Variants in USP26 observed in about 807,000 individuals in gnomAD.
USP26 encodes the protein ubiquitin specific peptidase 26.
For missense variants in USP26, 649 were observed against 642.3 expected, an observed-to-expected ratio of 1.01 and a Z score of -0.11; for synonymous variants, 236 against 240.6, an observed-to-expected ratio of 0.98 and a Z score of 0.18.
At chrX:133,079,926 T>C (rs757130590) in intron 5 of USP26, among the ~76,000 whole-genome samples, 1 of 111,957 alleles carries the variant, frequency 8.9e-6, no homozygotes, top group South Asian at 3.8e-4. Context: ...TAGATGATTT[T>C]CTAGTGACAG....
chrX:133,043,891 A>AAAAAC (rs749518643), intron 5 of USP26, among the ~76,000 whole-genome samples: 149 of 112,181 alleles, frequency 1.3e-3, no homozygotes, highest in Middle Eastern at 4.7e-3. Flanking sequence ...ACAAAAAACA[A>AAAAAC]AAAACAAAAC....
intron 5 of USP26, chrX:133,045,906 C>T (rs1316749476): frequency 3.6e-5 from 4 of 112,297 alleles, no homozygotes; most frequent in African/African-American, 1.3e-4. Context: ...ATTGTTGGGT[C>T]AAGGTCATCC....
At chrX:133,031,564 CA>C (rs1256431438) in intron 5 of USP26, among the ~76,000 whole-genome samples, 1 of 110,532 alleles carries the variant, frequency 9.0e-6, no homozygotes, top group African/African-American at 3.3e-5. Flanking sequence ...ACTTGCATAC[CA>C]GGGGCACAAT....
intron 5 of USP26, among the ~76,000 whole-genome samples, chrX:133,060,121 T>C (rs1602980921): frequency 8.9e-6 from 1 of 111,873 alleles, no homozygotes; most frequent in Non-Finnish European, 1.9e-5. Context: ...GAAATGAAGA[T>C]TTAGTGTATG....
intron 5 of USP26, among the ~76,000 whole-genome samples, chrX:133,063,141 C>T (rs918117814): frequency 3.6e-5 from 4 of 110,338 alleles, no homozygotes; most frequent in Admixed American, 2.9e-4. Flanking sequence ...GATTGATGAT[C>T]GACTTACTGA....
At position 133,025,741 on chromosome X, in the gene USP26, A is replaced by G. The variant is rs754523009; in HGVS notation, c.2480T>C (p.Ile827Thr). The change falls in exon 6 of 6, where the codon ATT becomes ACT. Residue 827 changes from isoleucine (I) to threonine (T), a missense_variant. Ile to Thr is a moderately conservative substitution (Grantham distance 89). Coordinates refer to ENST00000511190, the MANE Select transcript of USP26 (RefSeq NM_031907.3). ...DDKGDHTYRL[I>T]SVVSHLGKTL... The stretch of plus-strand genomic sequence containing the variant: ...CTTCCCAAGATGGCTGACAACACTA[A>G]TGAGCCGGTAGGTATGATCTCCCTT... The G allele has an allele frequency of 8.3e-7, 1 of 1,209,937 alleles. No individual in the cohort carries two copies. The highest frequency in any genetic ancestry group is 1.1e-6 in the Non-Finnish European group (1 of 893,975).
chrX:133,048,515 A>G (rs2067447642), intron 5 of USP26, among the ~76,000 whole-genome samples: 1 of 104,609 alleles, frequency 9.6e-6, no homozygotes, highest in Admixed American at 1.0e-4. Context: ...AGCAGGTGCT[A>G]TTTTAAAGCC....
intron 5 of USP26, among the ~76,000 whole-genome samples, chrX:133,063,688 T>C (rs943690577): frequency 3.6e-5 from 4 of 111,695 alleles, no homozygotes; most frequent in Non-Finnish European, 7.5e-5. Flanking sequence ...CTGAGGGATT[T>C]TGTCACCAAC....
chrX:133,082,356 T>C (rs1018244869), intron 5 of USP26, among the ~76,000 whole-genome samples: 4 of 111,903 alleles, frequency 3.6e-5, no homozygotes, highest in African/African-American at 1.3e-4. Context: ...ACTTCTCCCC[T>C]GTAACTCTTC....
chrX:133,080,089 G>A (rs2067564793), intron 5 of USP26, among the ~76,000 whole-genome samples: 1 of 111,511 alleles, frequency 9.0e-6, no homozygotes. Context: ...ACGAGGCTTG[G>A]TTTTGTTTAC....
chrX:133,086,786 A>C (rs1054479691), intron 4 of USP26, among the ~76,000 whole-genome samples: 2 of 108,749 alleles, frequency 1.8e-5, no homozygotes, highest in African/African-American at 6.7e-5. Flanking sequence ...TCATGGCAGG[A>C]GCCTGTAATC....
chrX:133,048,463 T>C (rs1361336232), intron 5 of USP26, among the ~76,000 whole-genome samples: 1 of 109,148 alleles, frequency 9.2e-6, no homozygotes, highest in African/African-American at 3.3e-5. Flanking sequence ...TGCCTTTGAC[T>C]GAACACATGA....
chrX:133,027,298 G>A lies in USP26; in HGVS notation c.923C>T (p.Ala308Val), dbSNP rs776610411. The change falls in exon 6 of 6, where the codon GCA (alanine) becomes GTA (valine). Residue 308 changes from alanine to valine, a missense_variant. Ala to Val is a moderately conservative substitution (Grantham distance 64, BLOSUM62 0). Transcript: ENST00000511190. The stretch of plus-strand genomic sequence containing the variant: ...GATTGAAAGTAGAGACTGTAACACT[G>A]CATTCATATAACAGGTGTTTCCCAA... ...PNLGNTCYMN[A>V]VLQSLLSIPS... The A allele has an allele frequency of 2.5e-6, 3 of 1,209,059 alleles. No homozygotes were observed.
intron 5 of USP26, among the ~76,000 whole-genome samples, chrX:133,061,101 G>T (rs1467327774): frequency 4.5e-5 from 5 of 111,461 alleles, no homozygotes; most frequent in Admixed American, 9.5e-5. Context: ...AAGAACAATT[G>T]TATTTATGGT....
chrX:133,074,122 T>C (rs909712655), intron 5 of USP26, among the ~76,000 whole-genome samples: 1 of 111,928 alleles, frequency 8.9e-6, no homozygotes, highest in African/African-American at 3.2e-5. Context: ...GTGGCCTTTA[T>C]CCCACTAAAG....
At position 133,026,003 on chromosome X, in the gene USP26, G is replaced by C; in HGVS notation, c.2218C>G (p.Gln740Glu). 1 of 1,210,079 alleles carries C rather than the reference G, an allele frequency of 8.3e-7. No homozygotes were observed. Among genetic ancestry groups the C allele is most frequent in the African/African-American group, 1.7e-5 (1 of 57,698 alleles). The stretch of plus-strand genomic sequence containing the variant: ...CAGATTCTCATACCGTCACACTGCT[G>C]AGTCTGTTCAGACACTTTTTGGAAT... The part of the protein sequence containing the change: ...ERFQKVSEQT[Q>E]QCDGMRICEQ... The change falls in exon 6 of 6, where the codon CAG becomes GAG. Residue 740 changes from glutamine (Q) to glutamate (E), a missense_variant. Gln to Glu is a conservative substitution (Grantham distance 29, BLOSUM62 2). Coordinates refer to ENST00000511190, the MANE Select transcript of USP26 (RefSeq NM_031907.3).
In USP26 at chrX:133,045,027, ACT is replaced by A. The variant is rs780142909; in HGVS notation, c.-76-16733_-76-16732del. Among the ~76,000 whole-genome samples the A allele has an allele frequency of 1.9e-3, 209 of 111,858 alleles. 2 individuals carry two copies. Among genetic ancestry groups the A allele is most frequent in the Admixed American group, 8.7e-3 (93 of 10,635 alleles). On this transcript the variant is annotated intron_variant, in intron 5 of 5. Coordinates refer to ENST00000511190, the MANE Select transcript of USP26 (RefSeq NM_031907.3). The stretch of plus-strand genomic sequence containing the variant: ...CAGGATTGTGAATACACCAATCAGC[ACT>A]CTGTGTCTAGCTCAAGGTTTGTAAA...
chrX:133,074,499 G>A (rs201043302), intron 5 of USP26, among the ~76,000 whole-genome samples: 1 of 112,262 alleles, frequency 8.9e-6, no homozygotes, highest in East Asian at 2.8e-4. Flanking sequence ...GAGAAGCTTA[G>A]ATTAAGAAGT....
rs377336557 is a variant in USP26 at position 133,027,669 on chromosome X, G to A, written c.552C>T (p.Leu184=). 1.7e-5 allele frequency: 20 copies of A among 1,207,383 alleles called. No individual in the cohort carries two copies. Among genetic ancestry groups the A allele is most frequent in the Non-Finnish European group, 2.2e-5 (20 of 892,190 alleles). Residue 184 remains leucine (L), a synonymous_variant, in exon 6 of 6, where the codon CTC becomes CTT. Coordinates refer to ENST00000511190, the MANE Select transcript of USP26 (RefSeq NM_031907.3). The part of the protein sequence containing the change: ...ENQHKKRKRM[L]SSSSEMNEEF... ...CCTCATTCATCTCTGAGCTAGATGA[G>A]AGCATTCTTTTCCTCTTCTTGTGCT...
Sources: gnomAD v4.1 joint callset for allele counts (sites outside exome capture counted in the v4.1 genomes callset) on GRCh38, gnomAD v4.1.1 for gene constraint, MANE v1.5 for transcripts, NCBI Gene and HGNC (gene_info 2026-07-23, HGNC 2026-07-21) for gene names.